The following CEP112 variants were observed in gnomAD, a reference collection of about 807,000 sequenced individuals.
CEP112 encodes the protein centrosomal protein of 112 kDa.
A neutral mutation model predicts 153.0 loss-of-function variants in CEP112; 127 were observed. The ratio of observed to expected loss-of-function variants is 0.83; its 90% CI spans 0.72 to 0.96. The LOEUF is 0.96. Among genes scored for constraint, CEP112 ranks in the 40% least tolerant of loss-of-function variants. The pLI is 0.00. For synonymous variants in CEP112, 358 were observed against 374.4 expected (o/e 0.96, Z 0.51); for missense variants, 1,089 against 1,101.2 (o/e 0.99, Z 0.16).
At position 65,803,960 on chromosome 17, in the gene CEP112, T is replaced by G. The variant is rs1228839604; in HGVS notation, c.2394+47844A>C. Among the ~76,000 whole-genome samples the G allele has an allele frequency of 5.9e-5, 9 of 152,274 alleles. No homozygotes were observed. In the East Asian group the frequency reaches 1.7e-3, roughly 29 times the overall value. Reference sequence around the variant, plus strand: ...ATCCTAGATGTAGACAAATCCACTGTGTGTGTGTAGCACAAGTTTAACCTC... The same window carrying G: ...ATCCTAGATGTAGACAAATCCACTGGGTGTGTGTAGCACAAGTTTAACCTC... On this transcript the variant is annotated intron_variant, in intron 21 of 26. Transcript: ENST00000535342.
At chr17:65,776,466 C>T (rs1472002705) in intron 21 of CEP112, among the ~76,000 whole-genome samples, 1 of 152,128 alleles carries the variant, frequency 6.6e-6, no homozygotes, top group Non-Finnish European at 1.5e-5. Flanking sequence ...ACCTCGTGAT[C>T]TGCCCGCCTT....
At chr17:65,831,764 A>C (rs1055589357) in intron 21 of CEP112, among the ~76,000 whole-genome samples, 1 of 152,190 alleles carries the variant, frequency 6.6e-6, no homozygotes, top group African/African-American at 2.4e-5. Context: ...AGACTTGACA[A>C]AACATAGGAA....
chr17:65,750,527 C>G, intron 22 of CEP112, 135 bp downstream of exon 22: 1 of 665,228 alleles, frequency 1.5e-6, no homozygotes, highest in Non-Finnish European at 2.7e-6. Flanking sequence ...TTTGTATACC[C>G]ATAAAAATAT....
chr17:65,896,450 T>A (rs1232399405), intron 20 of CEP112, among the ~76,000 whole-genome samples: 1 of 152,062 alleles, frequency 6.6e-6, no homozygotes, highest in East Asian at 1.9e-4. Flanking sequence ...ACACAAAATG[T>A]AAGCTTTACT....
intron 17 of CEP112, among the ~76,000 whole-genome samples, chr17:65,975,965 T>TACAC (rs2063018967): frequency 6.6e-6 from 1 of 152,264 alleles, no homozygotes; most frequent in African/African-American, 2.4e-5. Flanking sequence ...GTTAAATGCG[T>TACAC]ACACGTGTGC....
intron 1 of CEP112, among the ~76,000 whole-genome samples, chr17:66,190,305 G>A (rs1238024199): frequency 2.1e-5 from 3 of 142,298 alleles, no homozygotes; most frequent in Non-Finnish European, 3.1e-5. Flanking sequence ...GCAAAGCTCC[G>A]TCTCAAAAAA....
At chr17:66,140,052 C>T (rs2070620427) in intron 4 of CEP112, among the ~76,000 whole-genome samples, 1 of 152,080 alleles carries the variant, frequency 6.6e-6, no homozygotes, top group South Asian at 2.1e-4. Context: ...AACTGAATTC[C>T]ATGGCACATT....
In CEP112 at chr17:66,176,904, T is replaced by C. The variant is rs1310039787; in HGVS notation, c.223A>G (p.Lys75Glu). 6.2e-7 allele frequency: 1 copy of C among 1,614,024 alleles called. No homozygotes were observed. The highest frequency in any genetic ancestry group is 2.2e-5 in the East Asian group (1 of 44,876). ...AAAGGGCCTTCAAGCGCACCTCGTT[T>C]AAGCATATGCAATAACAATTTTGCA... ...LYAKLLLHMLKRGALEGPFTH... is the reference protein window; with the variant it reads ...LYAKLLLHMLERGALEGPFTH... The change falls in exon 3 of 27, where the codon AAA becomes GAA. Residue 75 changes from lysine (K) to glutamate (E), a missense_variant. Physicochemically the swap from Lys to Glu is moderately conservative, Grantham distance 56. Transcript: ENST00000535342.
intron 21 of CEP112, among the ~76,000 whole-genome samples, chr17:65,811,319 G>A (rs1020088353): frequency 3.3e-5 from 5 of 152,130 alleles, no homozygotes; most frequent in African/African-American, 1.2e-4. Flanking sequence ...AAAACATGAA[G>A]AAGTTAATGG....
intron 21 of CEP112, chr17:65,826,500 C>T: frequency 7.0e-7 from 1 of 1,420,370 alleles, no homozygotes; most frequent in South Asian, 1.5e-5. Flanking sequence ...GAGATAGTGA[C>T]ATCACAACCA....
intron 21 of CEP112, among the ~76,000 whole-genome samples, chr17:65,814,036 T>G (rs142229839): frequency 7.4e-4 from 113 of 152,288 alleles, no homozygotes; most frequent in African/African-American, 2.7e-3. Flanking sequence ...AATAAATACC[T>G]ATATCCTCTA....
intron 21 of CEP112, among the ~76,000 whole-genome samples, chr17:65,832,871 G>GGA (rs2057142927): frequency 6.6e-6 from 1 of 152,034 alleles, no homozygotes; most frequent in Non-Finnish European, 1.5e-5. Context: ...GCACCATCCT[G>GGA]ACACCAAAAC....
rs192165017 is a variant in CEP112, at chr17:66,135,503, A to G, written c.471-2740T>C. On this transcript the variant is annotated intron_variant, in intron 4 of 26. Transcript: ENST00000535342. The stretch of plus-strand genomic sequence containing the variant: ...AGCAAGTCCTGGTGCTTATAAGCAC[A>G]ACCTACAATTGGTACAGGGGACCTG... Among the ~76,000 whole-genome samples, 15 of 152,234 alleles carry G rather than the reference A, an allele frequency of 9.9e-5. 1 individual carries two copies. The East Asian group carries it at 2.7e-3, about 27-fold the overall frequency.
intron 21 of CEP112, among the ~76,000 whole-genome samples, chr17:65,757,073 T>C (rs1427024261): frequency 1.3e-5 from 2 of 152,164 alleles, no homozygotes; most frequent in African/African-American, 4.8e-5. Flanking sequence ...TTTCTCTGCC[T>C]GTCTCTCTGT....
chr17:65,843,875 A>C (rs758484341), intron 21 of CEP112, among the ~76,000 whole-genome samples: 5 of 152,236 alleles, frequency 3.3e-5, no homozygotes, highest in Non-Finnish European at 5.9e-5. Flanking sequence ...GAATTTACAA[A>C]GGAAAAGATG....
intron 4 of CEP112, among the ~76,000 whole-genome samples, chr17:66,149,687 CTT>C (rs143809151): frequency 5.7e-4 from 87 of 151,858 alleles, no homozygotes; most frequent in African/African-American, 2.1e-3. Context: ...GTTAATGAGT[CTT>C]GTTTCTTTTT....
At chr17:65,903,308 C>G (rs930761196) in intron 19 of CEP112, 4 of 152,168 alleles carry the variant, frequency 2.6e-5, no homozygotes, top group African/African-American at 7.2e-5. Context: ...TTCAAAAAAG[C>G]TAACAGTAGG....
chr17:65,921,872 C>T (rs955677343), intron 19 of CEP112, among the ~76,000 whole-genome samples: 1 of 151,966 alleles, frequency 6.6e-6, no homozygotes. Context: ...AGTTTACATG[C>T]TTCCAGACAA....
chr17:65,924,670 C>A (rs140510348), intron 19 of CEP112, among the ~76,000 whole-genome samples: 2 of 152,268 alleles, frequency 1.3e-5, no homozygotes, highest in Non-Finnish European at 2.9e-5. Context: ...GATTACTTCC[C>A]TACCTCTACA....
Sources: allele counts gnomAD v4.1 joint callset (sites outside exome capture counted in the v4.1 genomes callset), GRCh38; gene constraint gnomAD v4.1.1; transcripts MANE v1.5; gene names NCBI Gene and HGNC (gene_info 2026-07-23, HGNC 2026-07-21).